Variants in DPP6 observed in about 807,000 individuals in gnomAD.
DPP6 encodes dipeptidyl peptidase like 6, also known as A-type potassium channel modulatory protein DPP6.
A neutral mutation model predicts 122.6 loss-of-function variants in DPP6; 69 were observed. The observed-to-expected ratio is 0.56, with a 90% CI of 0.46 to 0.69. DPP6 has a LOEUF of 0.69. Ranked by LOEUF, DPP6 falls within the 30% of genes least tolerant of loss-of-function variation. The pLI is 0.00. For synonymous variants in DPP6, 418 were observed against 433.1 expected (o/e 0.97, Z 0.43); for missense variants, 928 against 1,116.9 (o/e 0.83, Z 2.41).
At chr7:154,502,021 G>T (rs1008243760) in intron 3 of DPP6, among the ~76,000 whole-genome samples, 3 of 152,156 alleles carry the variant, frequency 2.0e-5, no homozygotes, top group Admixed American at 2.0e-4. Flanking sequence ...AGTCAAAAAA[G>T]ATCATTTTGG....
chr7:154,141,763 T>C (rs916477015), intron 1 of DPP6, among the ~76,000 whole-genome samples: 12 of 152,246 alleles, frequency 7.9e-5, no homozygotes, highest in Admixed American at 5.2e-4. Context: ...AAATGACTTA[T>C]ACTTTATGTC....
intron 3 of DPP6, among the ~76,000 whole-genome samples, chr7:154,536,492 A>G (rs79558352): frequency 0.03 from 4,632 of 152,288 alleles, 239 homozygotes; most frequent in African/African-American, 0.1. Context: ...AAAGGTGTCC[A>G]GTTTCCTCCA....
At chr7:154,540,131 C>T (rs1215587093) in intron 3 of DPP6, among the ~76,000 whole-genome samples, 1 of 152,174 alleles carries the variant, frequency 6.6e-6, no homozygotes, top group African/African-American at 2.4e-5. Context: ...GCATGTTTTG[C>T]AGGATGTGGC....
chr7:154,033,055 T>C (rs1689171232), intron 1 of DPP6, among the ~76,000 whole-genome samples: 1 of 152,124 alleles, frequency 6.6e-6, no homozygotes. Context: ...ACAGTACTGC[T>C]AAACAGTTAA....
chr7:154,533,902 T>C (rs1175659747), intron 3 of DPP6, among the ~76,000 whole-genome samples: 1 of 151,730 alleles, frequency 6.6e-6, no homozygotes, highest in Non-Finnish European at 1.5e-5. Flanking sequence ...GGAGGCTGAG[T>C]TGGGAGGATT....
At chr7:154,679,390 A>G (rs1025885714) in intron 7 of DPP6, among the ~76,000 whole-genome samples, 12 of 152,250 alleles carry the variant, frequency 7.9e-5, no homozygotes, top group Middle Eastern at 6.8e-3. Flanking sequence ...TGTTTCTTAT[A>G]AGAAGCTGGG....
At chr7:154,888,102 T>C (rs1002627465) in intron 23 of DPP6, among the ~76,000 whole-genome samples, 1 of 150,244 alleles carries the variant, frequency 6.7e-6, no homozygotes, top group African/African-American at 2.5e-5. Context: ...TTTTTTTTTT[T>C]TTTTGAGATG....
intron 5 of DPP6, among the ~76,000 whole-genome samples, chr7:154,584,387 C>T (rs1832293318): frequency 6.6e-6 from 1 of 152,242 alleles, no homozygotes; most frequent in Non-Finnish European, 1.5e-5. Flanking sequence ...ACGGGGACCA[C>T]AGCACTGCTG....
In DPP6 at chr7:154,567,405, A is replaced by G. The variant is rs547793148; in HGVS notation, c.627+489A>G. On this transcript the variant is annotated intron_variant, in intron 5 of 25. Transcript: ENST00000377770. ...CACTTCCTGTATATATGAGCCTCCC[A>G]TAAAATTTCACCAGAATTTTCTGTA... is the stretch of plus-strand genomic sequence containing the variant. 7.9e-5 allele frequency among the ~76,000 whole-genome samples: 12 copies of G among 152,328 alleles called. No individual in the cohort carries two copies. The South Asian group carries it at 1.7e-3, about 21-fold the overall frequency.
chr7:154,853,614 C>T (rs921684724), intron 16 of DPP6, among the ~76,000 whole-genome samples, 166 bp from the exon 17 acceptor site: 9 of 152,238 alleles, frequency 5.9e-5, no homozygotes, highest in African/African-American at 2.2e-4. Context: ...GCCCCCCTGC[C>T]GGCCTGGCCT....
intron 1 of DPP6, among the ~76,000 whole-genome samples, chr7:154,298,932 G>C (rs534918374): frequency 6.6e-6 from 1 of 152,124 alleles, no homozygotes; most frequent in African/African-American, 2.4e-5. Flanking sequence ...CGAGACCCTC[G>C]GCCTCCCTGC....
intron 7 of DPP6, among the ~76,000 whole-genome samples, chr7:154,687,165 A>G (rs1839665308): frequency 6.6e-6 from 1 of 152,142 alleles, no homozygotes; most frequent in Non-Finnish European, 1.5e-5. Flanking sequence ...CCCTGAGTGT[A>G]CATACTGTCT....
At chr7:154,411,696 C>T (rs919470618) in intron 1 of DPP6, among the ~76,000 whole-genome samples, 1 of 152,128 alleles carries the variant, frequency 6.6e-6, no homozygotes, top group Non-Finnish European at 1.5e-5. Flanking sequence ...CTTTTAGGCT[C>T]AACGATACTT....
At chr7:154,138,982 A>G (rs1299601048) in intron 1 of DPP6, among the ~76,000 whole-genome samples, 2 of 152,104 alleles carry the variant, frequency 1.3e-5, no homozygotes, top group African/African-American at 2.4e-5. Context: ...AATTACTGTG[A>G]ATCCATTTAT....
At chr7:153,799,359 A>G in the DPP6 span, among the ~76,000 whole-genome samples, 149 of 152,312 alleles carry the variant, frequency 9.8e-4, no homozygotes, top group South Asian at 2.1e-3. Flanking sequence ...CTTCTAAGGA[A>G]TTTGTACGAT....
At chr7:154,350,366 G>T (rs189407367) in intron 1 of DPP6, among the ~76,000 whole-genome samples, 98 of 152,306 alleles carry the variant, frequency 6.4e-4, no homozygotes, top group Middle Eastern at 6.8e-3. Context: ...CCTGTCATAT[G>T]TGTGATGCAG....
chr7:153,914,355 G>C (rs1800217172), intron 1 of DPP6, among the ~76,000 whole-genome samples: 1 of 152,124 alleles, frequency 6.6e-6, no homozygotes, highest in South Asian at 2.1e-4. Context: ...AGTAGCATGA[G>C]AACAGACTAA....
At chr7:154,860,335 C>T (rs963970545) in intron 17 of DPP6, among the ~76,000 whole-genome samples, 1 of 152,224 alleles carries the variant, frequency 6.6e-6, no homozygotes, top group Non-Finnish European at 1.5e-5. Context: ...TGTCACGCTA[C>T]ACGCCAAGGA....
intron 16 of DPP6, among the ~76,000 whole-genome samples, chr7:154,807,440 C>A (rs1798771160): frequency 6.6e-6 from 1 of 152,172 alleles, no homozygotes; most frequent in African/African-American, 2.4e-5. Flanking sequence ...GGGCAAATAT[C>A]CTACACAGTG....
Sources: allele counts gnomAD v4.1 joint callset (sites outside exome capture counted in the v4.1 genomes callset), GRCh38; gene constraint gnomAD v4.1.1; transcripts MANE v1.5; gene names NCBI Gene and HGNC (gene_info 2026-07-23, HGNC 2026-07-21).